The following EFCC1 variants were observed in gnomAD, a reference collection of about 807,000 sequenced individuals.
EFCC1 encodes the protein EF-hand and coiled-coil domain-containing protein 1.
Under a neutral mutation model 52.1 loss-of-function variants are expected in EFCC1, and 50 were observed. The observed-to-expected ratio is 0.96, with a 90% CI of 0.76 to 1.21. The LOEUF (loss-of-function observed/expected upper bound fraction) is 1.21, where lower values mean the gene tolerates loss of function less well. Ranked by LOEUF, EFCC1 falls within the 50% of genes most tolerant of loss-of-function variation. The pLI is 0.00. For synonymous variants in EFCC1, 399 were observed against 396.5 expected (o/e 1.01, Z -0.08); for missense variants, 837 against 867.3 (o/e 0.97, Z 0.44).
At chr3:129,022,132 C>G (rs1483537231) in intron 2 of EFCC1, among the ~76,000 whole-genome samples, 1 of 152,148 alleles carries the variant, frequency 6.6e-6, no homozygotes, top group South Asian at 2.1e-4. Flanking sequence ...TTTGTCATAT[C>G]TATATAGAAC....
rs1946405241 is a variant in EFCC1 at position 129,040,098 on chromosome 3, A to C, written c.*250A>C. 4.4e-6 allele frequency: 2 copies of C among 456,106 alleles called. No individual in the cohort carries two copies. Among genetic ancestry groups the C allele is most frequent in the Non-Finnish European group, 3.8e-6 (1 of 260,134 alleles). 28.3% of individuals were successfully genotyped at this position (456,106 alleles called of 1,614,324 possible). ...ATTCCTGCCACCAGAGTCCACATTA[A>C]AGCCCTGCAGTTGCTGGATCAGCCT... On this transcript the variant is annotated 3_prime_UTR_variant, in exon 8 of 8. Transcript: ENST00000683648. The surrounding 1 kb of genome is among the most constrained non-coding windows in gnomAD (Gnocchi z 4.4).
At chr3:129,037,239 T>C in intron 6 of EFCC1, 122 bp downstream of exon 6, 1 of 1,331,676 alleles carries the variant, frequency 7.5e-7, no homozygotes, top group Admixed American at 3.4e-5. Flanking sequence ...TATCCCATTT[T>C]ACAGATGCAG....
At chr3:129,032,655 T>C (rs1193295861) in intron 3 of EFCC1, among the ~76,000 whole-genome samples, 164 bp from the exon 4 acceptor site, 2 of 152,110 alleles carry the variant, frequency 1.3e-5, no homozygotes, top group African/African-American at 2.4e-5. Context: ...GAACCAGCCT[T>C]GGTGGCCTCA....
intron 2 of EFCC1, among the ~76,000 whole-genome samples, chr3:129,023,382 G>T (rs138728914): frequency 9.3e-4 from 141 of 151,106 alleles, no homozygotes; most frequent in Non-Finnish European, 3.4e-4. Flanking sequence ...AGGCTAGAGC[G>T]CAGTGGTGCG....
At chr3:129,017,189 A>C (rs1945623706) in intron 2 of EFCC1, among the ~76,000 whole-genome samples, 1 of 152,214 alleles carries the variant, frequency 6.6e-6, no homozygotes, top group Admixed American at 6.5e-5. Flanking sequence ...AATCTGAAGG[A>C]AGCTTCATGA....
chr3:129,015,645 G>A (rs1017731235), intron 2 of EFCC1, among the ~76,000 whole-genome samples: 1 of 151,822 alleles, frequency 6.6e-6, no homozygotes, highest in African/African-American at 2.4e-5. Context: ...CCTTCCCACC[G>A]CCATCCCCTG....
At position 129,014,432 on chromosome 3, in the gene EFCC1, G is replaced by C. The variant is rs1945477565; in HGVS notation, c.980+10355G>C. Among the ~76,000 whole-genome samples, 1 of 152,228 alleles carries C rather than the reference G, an allele frequency of 6.6e-6. No individual in the cohort carries two copies. The highest frequency in any genetic ancestry group is 2.1e-4 in the South Asian group (1 of 4,834). ...GGCCTCTCTCCTGGGCTGGCAGCCA[G>C]GGCCGCCTTCTCCCTGTATCCTCGC... On this transcript the variant is annotated intron_variant, in intron 2 of 7. Coordinates refer to ENST00000683648, the MANE Select transcript of EFCC1 (RefSeq NM_001377500.1). The surrounding 1 kb of genome is among the most constrained non-coding windows in gnomAD (Gnocchi z 4.3).
intron 7 of EFCC1, among the ~76,000 whole-genome samples, chr3:129,039,345 C>T (rs1437225319): frequency 6.6e-6 from 1 of 152,220 alleles, no homozygotes; most frequent in Non-Finnish European, 1.5e-5. Flanking sequence ...GGGAGCAGAA[C>T]AGCAGGAATG....
At position 129,002,002 on chromosome 3, in the gene EFCC1, C is replaced by G; in HGVS notation, c.374C>G (p.Thr125Ser). The G allele has an allele frequency of 1.3e-6, 2 of 1,545,958 alleles. No homozygotes were observed. Among genetic ancestry groups the G allele is most frequent in the Middle Eastern group, 1.7e-4 (1 of 5,954 alleles). ...AELATDGDSD[T>S]DEEARLALRA... Reference sequence around the variant, plus strand: ...TTGGCCACGGACGGGGACTCAGATACCGATGAAGAGGCGCGCCTGGCGCTG... The same window carrying G: ...TTGGCCACGGACGGGGACTCAGATAGCGATGAAGAGGCGCGCCTGGCGCTG... Residue 125 changes from threonine (T) to serine (S), a missense_variant, in exon 1 of 8, where the codon ACC becomes AGC. Thr to Ser is a moderately conservative substitution (Grantham distance 58). Transcript: ENST00000683648.
intron 2 of EFCC1, among the ~76,000 whole-genome samples, chr3:129,023,627 TG>T (rs1559968917): frequency 6.6e-6 from 1 of 152,220 alleles, no homozygotes; most frequent in Non-Finnish European, 1.5e-5. Flanking sequence ...CCACCGCGCC[TG>T]GCCACCTCTT....
At position 129,001,668 on chromosome 3, in the gene EFCC1, G is replaced by A. The variant is rs1372144286; in HGVS notation, c.40G>A (p.Gly14Ser). Residue 14 changes from glycine to serine, a missense_variant, in exon 1 of 8, where the codon GGC becomes AGC. Coordinates refer to ENST00000683648, the MANE Select transcript of EFCC1 (RefSeq NM_001377500.1). Reference sequence around the variant, plus strand: ...CACGGGCGCGGAGGCCGGCATGGAGGGCGCGGGAGGTGACCCGTACCGGCG... The same window carrying A: ...CACGGGCGCGGAGGCCGGCATGGAGAGCGCGGGAGGTGACCCGTACCGGCG... The part of the protein sequence containing the change: ...VSTGAEAGME[G>S]AGGDPYRRPA... The A allele has an allele frequency of 1.4e-6, 2 of 1,426,026 alleles. No homozygotes were observed. The highest frequency in any genetic ancestry group is 5.5e-5 in the Admixed American group (2 of 36,492). 88.3% of individuals were successfully genotyped at this position (1,426,026 alleles called of 1,614,324 possible).
In EFCC1 at chr3:129,001,308, G is replaced by A. The variant is rs895200881; in HGVS notation, c.-321G>A. On this transcript the variant is annotated 5_prime_UTR_variant, in exon 1 of 8. Transcript: ENST00000683648. Reference sequence around the variant, plus strand: ...CGGGAGTGGGAGGAAAAGCGCAGACGCCAGGAACGCCCCGTGAGTGAGGAG... The same window carrying A: ...CGGGAGTGGGAGGAAAAGCGCAGACACCAGGAACGCCCCGTGAGTGAGGAG... 1.3e-5 allele frequency among the ~76,000 whole-genome samples: 2 copies of A among 152,182 alleles called. No homozygotes were observed. The highest frequency in any genetic ancestry group is 2.4e-5 in the African/African-American group (1 of 41,460).
chr3:129,035,640 A>G (rs1224463388), intron 5 of EFCC1, among the ~76,000 whole-genome samples: 2 of 152,244 alleles, frequency 1.3e-5, no homozygotes, highest in African/African-American at 4.8e-5. Flanking sequence ...GTGTGGCTGC[A>G]GCTAAACCTT....
intron 2 of EFCC1, among the ~76,000 whole-genome samples, chr3:129,019,861 C>G (rs1945757340): frequency 6.6e-6 from 1 of 151,248 alleles, no homozygotes; most frequent in Non-Finnish European, 1.5e-5. Context: ...CTCCACCTCC[C>G]AGATTCAAGC....
chr3:129,036,960 G>A lies in EFCC1; in HGVS notation c.1453-17G>A. 1 of 1,613,752 alleles carries A rather than the reference G, an allele frequency of 6.2e-7. No individual in the cohort carries two copies. ...GAGAGGCCAGCAAAGTGAGCACTGA[G>A]CCCCTTCTCTTCCCAGGCAGAGTTG... On this transcript the variant is annotated splice_polypyrimidine_tract_variant and intron_variant, in intron 5 of 7. Transcript: ENST00000683648.
At chr3:129,034,447 C>A in intron 5 of EFCC1, 118 bp downstream of exon 5, 1 of 1,144,024 alleles carries the variant, frequency 8.7e-7, no homozygotes, top group East Asian at 2.6e-5. Flanking sequence ...AACCAAGGCC[C>A]AGAGGGAGGT....
At position 129,014,309 on chromosome 3, in the gene EFCC1, A is replaced by G. The variant is rs920008606; in HGVS notation, c.980+10232A>G. Among the ~76,000 whole-genome samples the G allele has an allele frequency of 6.6e-6, 1 of 152,220 alleles. No individual in the cohort carries two copies. Among genetic ancestry groups the G allele is most frequent in the Non-Finnish European group, 1.5e-5 (1 of 68,040 alleles). The stretch of plus-strand genomic sequence containing the variant: ...GTGTGAGTCAGCTCGGGCTGCTGTG[A>G]CAAGCCCCACAGACCAGGAGCTTCA... On this transcript the variant is annotated intron_variant, in intron 2 of 7. Coordinates refer to ENST00000683648, the MANE Select transcript of EFCC1 (RefSeq NM_001377500.1). This position sits in a 1 kb window ranked among gnomAD's most constrained non-coding sequence, Gnocchi z 4.3.
chr3:129,031,426 G>A (rs2107935572), intron 3 of EFCC1, among the ~76,000 whole-genome samples: 1 of 152,264 alleles, frequency 6.6e-6, no homozygotes, highest in African/African-American at 2.4e-5. Context: ...AGGTGACAGA[G>A]TGGGGCCCTG....
Position 129,002,243 on chromosome 3 carries a change from G to A in EFCC1, c.615G>A (p.Glu205=). The A allele has an allele frequency of 6.5e-7, 1 of 1,530,482 alleles. No homozygotes were observed. The allele number at this position is 1,530,482 out of a possible 1,614,324, so 94.8% of individuals were successfully genotyped here. ...GTGAGCGCGTTGCGCGGCTGGAGGA[G>A]GAGAATAGCAGCTTGCGCGAGTTGG... ...PDCERVARLE[E]ENSSLRELVE... Residue 205 remains glutamate, a synonymous_variant, in exon 1 of 8, where the codon GAG becomes GAA. Transcript: ENST00000683648.
Sources: allele counts gnomAD v4.1 joint callset (sites outside exome capture counted in the v4.1 genomes callset), GRCh38; gene constraint gnomAD v4.1.1; non-coding constraint Gnocchi (gnomAD v3.1); transcripts MANE v1.5; gene names NCBI Gene and HGNC (gene_info 2026-07-23, HGNC 2026-07-21).